Variants in ITGA10 observed in about 807,000 individuals in gnomAD.
ITGA10 encodes integrin alpha-10.
ITGA10 carries 105 observed loss-of-function variants against 145.2 expected under a neutral mutation model. That is an observed-to-expected ratio of 0.72 (90% CI 0.62 to 0.85). The LOEUF is 0.85. Among genes scored for constraint, ITGA10 ranks in the 40% least tolerant of loss-of-function variants. ITGA10 has a pLI of 0.00. For missense variants in ITGA10, 1,317 were observed against 1,444.5 expected (o/e 0.91, Z 1.43); for synonymous variants, 506 against 557.8 (o/e 0.91, Z 1.31).
Position 145,896,089 on chromosome 1 carries a change from T to A in ITGA10, c.2927A>T (p.Asn976Ile), listed in dbSNP as rs782807078. The change falls in exon 25 of 30, where the codon AAC becomes ATC. Residue 976 changes from asparagine to isoleucine, a missense_variant. Transcript: ENST00000369304. ...PEFKTTLRVQ[N>I]LGCYVVSGLI... ...GCCACTGACCACATAGCAGCCTAGG[T>A]TCTGAACCTAAGAGGAAGGTTGGGA... The A allele has an allele frequency of 4.3e-6, 7 of 1,614,040 alleles. No individual in the cohort carries two copies. In the South Asian group the frequency reaches 7.7e-5, roughly 18 times the overall value.
Position 145,892,882 on chromosome 1 carries a change from G to A in ITGA10, c.3439-19C>T. On this transcript the variant is annotated intron_variant, in intron 29 of 29. Coordinates refer to ENST00000369304, the MANE Select transcript of ITGA10 (RefSeq NM_003637.5). ...AGCCAAGCTGTAGAAGAAAAGATAA[G>A]CGTCACTGCCAAATGCCTAGACTGG... 1 of 1,605,440 alleles carries A rather than the reference G, an allele frequency of 6.2e-7. No homozygotes were observed. The highest frequency in any genetic ancestry group is 8.5e-7 in the Non-Finnish European group (1 of 1,172,110).
At position 145,902,611 on chromosome 1, in the gene ITGA10, A is replaced by G. The variant is rs782025110; in HGVS notation, c.918T>C (p.Gly306=). 6.2e-7 allele frequency: 1 copy of G among 1,603,308 alleles called. No individual in the cohort carries two copies. The highest frequency in any genetic ancestry group is 1.7e-5 in the Admixed American group (1 of 59,198). The change falls in exon 9 of 30, where the codon GGT becomes GGC. Residue 306 remains glycine (G), a synonymous_variant. Coordinates refer to ENST00000369304, the MANE Select transcript of ITGA10 (RefSeq NM_003637.5). ...GATCTCGCTGCCGCCGGAGGTAGTG[A>G]CCAAGGACCTAAGAGGTCATAAGAT... ...RVTRYGIAVL[G]HYLRRQRDPS...
rs1371728779 is a variant in ITGA10, at chr1:145,897,017, G to A, written c.2738C>T (p.Ala913Val). The A allele has an allele frequency of 6.2e-7, 1 of 1,613,556 alleles. No homozygotes were observed. Among genetic ancestry groups the A allele is most frequent in the Non-Finnish European group, 8.5e-7 (1 of 1,179,598 alleles). The change falls in exon 22 of 30, where the codon GCC becomes GTC. Residue 913 changes from alanine to valine, a missense_variant. Transcript: ENST00000369304. ...LLSQVFVKLT[A>V]SSDSLERNGT... ...AAGTTCCCTTCATTCTCACCTGCTG[G>A]CAGTCAGCTTCACGAAGACCTGGCT...
At chr1:145,894,738 A>G (rs1355878984) in intron 27 of ITGA10, among the ~76,000 whole-genome samples, 1 of 152,130 alleles carries the variant, frequency 6.6e-6, no homozygotes, top group Non-Finnish European at 1.5e-5. Flanking sequence ...CACCTATACA[A>G]TCTTACTTCC....
intron 5 of ITGA10, 49 bp from the exon 6 acceptor site, chr1:145,904,860 C>A: frequency 6.3e-7 from 1 of 1,592,390 alleles, no homozygotes. Context: ...CTGGGGGCAA[C>A]AAGGGAAAGA....
In ITGA10 at chr1:145,898,944, G is replaced by A. The variant is rs1553746474; in HGVS notation, c.2224C>T (p.His742Tyr). The stretch of plus-strand genomic sequence containing the variant: ...TACTGCCCTCTCCTTACCAGCACAT[G>A]GAAGTGTAGCTGCTCACAAGTGACA... Reference protein sequence around the residue: ...GNVTCEQLHFHVLDTSDYLRP... With the variant: ...GNVTCEQLHFYVLDTSDYLRP... Residue 742 changes from histidine (H) to tyrosine (Y), a missense_variant, in exon 17 of 30, where the codon CAT becomes TAT. His to Tyr is a moderately conservative substitution (Grantham distance 83, BLOSUM62 2). Coordinates refer to ENST00000369304, the MANE Select transcript of ITGA10 (RefSeq NM_003637.5). 2.5e-6 allele frequency: 4 copies of A among 1,613,688 alleles called. No homozygotes were observed. Among genetic ancestry groups the A allele is most frequent in the Non-Finnish European group, 3.4e-6 (4 of 1,179,722 alleles).
rs368136151 is a variant in ITGA10, at chr1:145,900,999, G to A, written c.1588-6C>T. ...TGGAGGGTCAGCAAGGACTGCTGGT[G>A]GAGGAGAGAAGATAGAAGATGCTAA... On this transcript the variant is annotated splice_region_variant and splice_polypyrimidine_tract_variant and intron_variant, in intron 13 of 29. Coordinates refer to ENST00000369304, the MANE Select transcript of ITGA10 (RefSeq NM_003637.5). 29 of 1,614,010 alleles carry A rather than the reference G, an allele frequency of 1.8e-5. No individual in the cohort carries two copies. The African/African-American group carries it at 2.7e-4, about 15-fold the overall frequency.
At chr1:145,896,441 G>A in intron 23 of ITGA10, 89 bp from the exon 24 acceptor site, 1 of 1,001,500 alleles carries the variant, frequency 1.0e-6, no homozygotes, top group East Asian at 2.4e-5. Context: ...TGGATTCAGA[G>A]GAGGCAGGGC....
intron 23 of ITGA10, 129 bp from the exon 24 acceptor site, chr1:145,896,481 T>C: frequency 4.0e-6 from 3 of 753,612 alleles, no homozygotes; most frequent in Non-Finnish European, 7.1e-6. Context: ...TGGGGGTACA[T>C]GGAGAAGACA....
Position 145,897,607 on chromosome 1 carries a change from A to G in ITGA10, c.2479T>C (p.Ser827Pro). ...TCCTTTCTGTTCTCCAGAGTTGTAG[A>G]TACCAGCACTTTCCGCCGGCCACCT... ...VRGGRRKVLV[S>P]TTLENRKENA... Residue 827 changes from serine to proline, a missense_variant, in exon 20 of 30, where the codon TCT becomes CCT. By Grantham distance (74) the Ser-to-Pro change is moderately conservative (BLOSUM62 -1). Coordinates refer to ENST00000369304, the MANE Select transcript of ITGA10 (RefSeq NM_003637.5). 1 of 1,614,078 alleles carries G rather than the reference A, an allele frequency of 6.2e-7. No homozygotes were observed. Among genetic ancestry groups the G allele is most frequent in the South Asian group, 1.1e-5 (1 of 91,076 alleles).
rs1261261430 is a variant in ITGA10, at chr1:145,900,976, G to A, written c.1605C>T (p.Leu535=). The A allele has an allele frequency of 2.5e-6, 4 of 1,613,986 alleles. No individual in the cohort carries two copies. In the African/African-American group the frequency reaches 5.3e-5, roughly 22 times the overall value. ...GGGGTTCTGGCTGAAGTGTTCCTTG[G>A]AGGGTCAGCAAGGACTGCTGGTGGA... ...YLVGQQSLLT[L]QGTLQPEPPQ... Residue 535 remains leucine (L), a synonymous_variant, in exon 14 of 30, where the codon CTC becomes CTT. Coordinates refer to ENST00000369304, the MANE Select transcript of ITGA10 (RefSeq NM_003637.5).
Position 145,904,791 on chromosome 1 carries a change from C to T in ITGA10, c.502G>A (p.Val168Ile), listed in dbSNP as rs890182017. The T allele has an allele frequency of 1.9e-6, 3 of 1,613,878 alleles. No individual in the cohort carries two copies. Among genetic ancestry groups the T allele is most frequent in the South Asian group, 1.1e-5 (1 of 91,072 alleles). Reference sequence around the variant, plus strand: ...TTGGAGCCATCCAAGACAATGACAACATCCATGTATGTTGGGCAGCCTAGA... The same window carrying T: ...TTGGAGCCATCCAAGACAATGACAATATCCATGTATGTTGGGCAGCCTAGA... Reference protein sequence around the residue: ...TAQRCPTYMDVVIVLDGSNSI... With the variant: ...TAQRCPTYMDIVIVLDGSNSI... Residue 168 changes from valine to isoleucine, a missense_variant, in exon 6 of 30, where the codon GTT becomes ATT. Physicochemically the swap from Val to Ile is conservative, Grantham distance 29 (BLOSUM62 3). Coordinates refer to ENST00000369304, the MANE Select transcript of ITGA10 (RefSeq NM_003637.5).
Position 145,901,818 on chromosome 1 carries a change from C to T in ITGA10, c.1294+59G>A, listed in dbSNP as rs941138355. On this transcript the variant is annotated intron_variant, in intron 11 of 29. Transcript: ENST00000369304. This position sits in a 1 kb window ranked among gnomAD's most constrained non-coding sequence, Gnocchi z 4.3. ...AGAGGGAGTATTTCATACCCGCCCC[C>T]ACTAGGGATGTATTTCCTCCCCTAC... 1.9e-6 allele frequency: 3 copies of T among 1,604,680 alleles called. No individual in the cohort carries two copies. The highest frequency in any genetic ancestry group is 1.3e-5 in the African/African-American group (1 of 74,750).
At chr1:145,903,024 T>TACACACACAC (rs55794832) in intron 7 of ITGA10, 63 bp from the exon 8 acceptor site, 19 of 379,370 alleles carry the variant, frequency 5.0e-5, no homozygotes, top group African/African-American at 2.6e-4. Flanking sequence ...CACACACACA[T>TACACACACAC]ACACACACAC....
In ITGA10 at chr1:145,893,616, G is replaced by A. The variant is rs61741868; in HGVS notation, c.3248C>T (p.Thr1083Met). The A allele has an allele frequency of 4.5e-3, 7,276 of 1,612,996 alleles. 263 individuals are homozygous for A. In the African/African-American group the frequency reaches 0.084, roughly 19 times the overall value. The change falls in exon 28 of 30, where the codon ACG (threonine) becomes ATG (methionine). Residue 1083 changes from threonine (T) to methionine (M), a missense_variant. Coordinates refer to ENST00000369304, the MANE Select transcript of ITGA10 (RefSeq NM_003637.5). ...TCCCAGCTCAAAGGTGCTGACCACCGTCAGGGACTTGAACTTGGCCTATGG... is the reference window on the plus strand; with the variant it reads ...TCCCAGCTCAAAGGTGCTGACCACCATCAGGGACTTGAACTTGGCCTATGG... Reference protein sequence around the residue: ...FFRRAKFKSLTVVSTFELGTE... With the variant: ...FFRRAKFKSLMVVSTFELGTE...
In ITGA10 at chr1:145,892,716, A is replaced by T. The variant is rs1654873489; in HGVS notation, c.*82T>A. 1 of 1,102,082 alleles carries T rather than the reference A, an allele frequency of 9.1e-7. No individual in the cohort carries two copies. The highest frequency in any genetic ancestry group is 1.8e-5 in the Admixed American group (1 of 55,158). The allele number at this position is 1,102,082 out of a possible 1,614,324, so 68.3% of individuals were successfully genotyped here. On this transcript the variant is annotated 3_prime_UTR_variant, in exon 30 of 30. Transcript: ENST00000369304. ...TAGTCCAGAGGCGGCTTCTTGTCCC[A>T]TCTGAGCCCCCAAACCTCTGCTTTT...
At position 145,899,045 on chromosome 1, in the gene ITGA10, G is replaced by A. The variant is rs139113870; in HGVS notation, c.2123C>T (p.Thr708Ile). The A allele has an allele frequency of 2.5e-5, 41 of 1,614,250 alleles. No homozygotes were observed. In the African/African-American group the frequency reaches 4.8e-4, roughly 19 times the overall value. The change falls in exon 17 of 30, where the codon ACT (threonine) becomes ATT (isoleucine). Residue 708 changes from threonine (T) to isoleucine (I), a missense_variant. Coordinates refer to ENST00000369304, the MANE Select transcript of ITGA10 (RefSeq NM_003637.5). ...ATCAAATGCTGCACGTGCCCCAGCA[G>A]TCCATTCATCCAGTGATGCGGTGAA... Reference protein sequence around the residue: ...MRFTASLDEWTAGARAAFDGS... With the variant: ...MRFTASLDEWIAGARAAFDGS...
At chr1:145,896,975 A>C in intron 22 of ITGA10, 36 bp downstream of exon 22, 3 of 1,580,464 alleles carry the variant, frequency 1.9e-6, no homozygotes. Context: ...ACTCAGTAGG[A>C]GGAGAGGTCT....
At chr1:145,908,317 G>A (rs1228163805) in intron 1 of ITGA10, among the ~76,000 whole-genome samples, 1 of 152,062 alleles carries the variant, frequency 6.6e-6, no homozygotes, top group Admixed American at 6.6e-5. Flanking sequence ...GTTGATTCCA[G>A]CCTTGGAAAT....
Sources: gnomAD v4.1 joint callset for allele counts (sites outside exome capture counted in the v4.1 genomes callset) on GRCh38, gnomAD v4.1.1 for gene constraint, Gnocchi (gnomAD v3.1) non-coding constraint, MANE v1.5 for transcripts, NCBI Gene and HGNC (gene_info 2026-07-23, HGNC 2026-07-21) for gene names.